SCN7A: variants seen among roughly 807,000 people sequenced by gnomAD.
SCN7A encodes the protein sodium voltage-gated channel alpha subunit 7.
In SCN7A, 138 loss-of-function variants were observed where a neutral mutation model predicts 155.2. The observed-to-expected ratio is 0.89, with a 90% CI of 0.77 to 1.02. The LOEUF is 1.02. Among genes scored for constraint, SCN7A ranks in the 50% least tolerant of loss-of-function variants. The pLI, the probability that SCN7A is intolerant of heterozygous loss-of-function variation, is 0.00. For synonymous variants in SCN7A, 693 were observed against 649.0 expected (o/e 1.07, Z -1.03); for missense variants, 2,058 against 1,986.6 (o/e 1.04, Z -0.68).
intron 9 of SCN7A, 107 bp from the exon 10 acceptor site, chr2:166,462,637 C>T (rs1488586969): frequency 2.3e-5 from 22 of 966,284 alleles, no homozygotes; most frequent in Non-Finnish European, 3.0e-5. Flanking sequence ...ACTCACGCTT[C>T]CACAGGGAGA....
chr2:166,405,972 T>C lies in SCN7A; in HGVS notation c.4657A>G (p.Lys1553Glu). Residue 1553 changes from lysine (K) to glutamate (E), a missense_variant, in exon 26 of 26, where the codon AAA becomes GAA. By Grantham distance (56) the Lys-to-Glu change is moderately conservative (BLOSUM62 1). Transcript: ENST00000643258. ...AALDPPLFMAKPNKGQLIALD... is the reference protein window; with the variant it reads ...AALDPPLFMAEPNKGQLIALD... ...GCAATGAGCTGGCCCTTGTTTGGTT[T>C]TGCCATGAAAAGAGGAGGATCAAGA... 1 of 1,612,966 alleles carries C rather than the reference T, an allele frequency of 6.2e-7. No homozygotes were observed. The highest frequency in any genetic ancestry group is 1.1e-5 in the South Asian group (1 of 91,028).
rs1171832360 is a variant in SCN7A at position 166,444,973 on chromosome 2, G to T, written c.1415C>A (p.Pro472Gln). 1 of 1,609,616 alleles carries T rather than the reference G, an allele frequency of 6.2e-7. No individual in the cohort carries two copies. The highest frequency in any genetic ancestry group is 1.7e-5 in the Admixed American group (1 of 59,790). Residue 472 changes from proline to glutamine, a missense_variant, in exon 13 of 26, where the codon CCA becomes CAA. Coordinates refer to ENST00000643258, the MANE Select transcript of SCN7A (RefSeq NM_002976.4). ...TTTAGCAAACTTATACCAGTATAAT[G>T]GGCATATCTTCTTGGATTTTTCAAG... The part of the protein sequence containing the change: ...EELEKSKKIC[P>Q]LYWYKFAKTF...
Position 166,432,671 on chromosome 2 carries a change from T to A in SCN7A, c.2239A>T (p.Asn747Tyr). The change falls in exon 16 of 26, where the codon AAT becomes TAT. Residue 747 changes from asparagine (N) to tyrosine (Y), a missense_variant. By Grantham distance (143) the Asn-to-Tyr change is moderately radical (BLOSUM62 -2). Coordinates refer to ENST00000643258, the MANE Select transcript of SCN7A (RefSeq NM_002976.4). ...VTAEENNEAKNLQLAVARIKK... is the reference protein window; with the variant it reads ...VTAEENNEAKYLQLAVARIKK... ...ATTCTTGCCACTGCAAGCTGGAGAT[T>A]TTTTGCTTCATTATTCTCTTCAGCT... 6.2e-7 allele frequency: 1 copy of A among 1,606,806 alleles called. No individual in the cohort carries two copies. Among genetic ancestry groups the A allele is most frequent in the Non-Finnish European group, 8.5e-7 (1 of 1,177,782 alleles).
chr2:166,477,668 A>AG lies in SCN7A; in HGVS notation c.28dup (p.Leu10ProfsTer6). 6.3e-7 allele frequency: 1 copy of AG among 1,589,316 alleles called. No individual in the cohort carries two copies. Among genetic ancestry groups the AG allele is most frequent in the South Asian group, 1.2e-5 (1 of 85,468 alleles). ...AAAAGACTCTTTAGTGAAGGGAACA[A>AG]GGCCCTTAGGTTCTGGTGAAGCCAA... On this transcript the variant is annotated frameshift_variant, in exon 3 of 26. Coordinates refer to ENST00000643258, the MANE Select transcript of SCN7A (RefSeq NM_002976.4). LOFTEE classifies it high-confidence loss of function.
intron 15 of SCN7A, among the ~76,000 whole-genome samples, chr2:166,439,041 A>ATGTG (rs201282077): frequency 0.012 from 1,417 of 122,710 alleles, 37 homozygotes; most frequent in African/African-American, 0.038. Flanking sequence ...ACATACATAT[A>ATGTG]TGTGTGTGTG....
At chr2:166,489,300 G>C (rs924796625) in intron 1 of SCN7A, among the ~76,000 whole-genome samples, 2 of 152,170 alleles carry the variant, frequency 1.3e-5, no homozygotes, top group African/African-American at 2.4e-5. Flanking sequence ...GTATACGTTA[G>C]CATGTGCATA....
chr2:166,405,499 C>T lies in SCN7A; in HGVS notation c.*81G>A, dbSNP rs574266581. 1.8e-4 allele frequency: 180 copies of T among 1,028,268 alleles called. No homozygotes were observed. Among genetic ancestry groups the T allele is most frequent in the South Asian group, 6.8e-4 (42 of 61,992 alleles). 63.7% of individuals were successfully genotyped at this position (1,028,268 alleles called of 1,614,324 possible). ...GGTTGTAAAGAACTGATTATTATCT[C>T]TACTTTTCTTTTATTCCTGGCTTAG... On this transcript the variant is annotated 3_prime_UTR_variant, in exon 26 of 26. Coordinates refer to ENST00000643258, the MANE Select transcript of SCN7A (RefSeq NM_002976.4).
intron 1 of SCN7A, among the ~76,000 whole-genome samples, chr2:166,490,052 A>G (rs1041825463): frequency 6.6e-6 from 1 of 152,056 alleles, no homozygotes; most frequent in East Asian, 1.9e-4. Flanking sequence ...GAATGATTAT[A>G]TCAAGCTAAT....
chr2:166,448,470 C>A (rs1211954405), intron 11 of SCN7A, among the ~76,000 whole-genome samples: 1 of 152,134 alleles, frequency 6.6e-6, no homozygotes, highest in African/African-American at 2.4e-5. Context: ...AGTACATACC[C>A]TGCAGTGGGA....
chr2:166,424,670 C>T (rs1291102720), intron 18 of SCN7A, among the ~76,000 whole-genome samples: 1 of 151,532 alleles, frequency 6.6e-6, no homozygotes, highest in Admixed American at 6.6e-5. Flanking sequence ...ACTGATGACA[C>T]CAAAAGAAGA....
At position 166,429,195 on chromosome 2, in the gene SCN7A, C is replaced by T. The variant is rs1701682194; in HGVS notation, c.2672G>A (p.Gly891Asp). The change falls in exon 17 of 26, where the codon GGT becomes GAT. Residue 891 changes from glycine (G) to aspartate (D), a missense_variant. Coordinates refer to ENST00000643258, the MANE Select transcript of SCN7A (RefSeq NM_002976.4). ...ISEEEEMFYG[G>D]ERSKHLKNGC... ...ATTTTTCAGATGCTTTGATCTTTCA[C>T]CTCCATAGAACATTTCTTCTTCTTC... is the stretch of plus-strand genomic sequence containing the variant. 2 of 1,541,494 alleles carry T rather than the reference C, an allele frequency of 1.3e-6. No individual in the cohort carries two copies. The highest frequency in any genetic ancestry group is 1.8e-6 in the Non-Finnish European group (2 of 1,142,520).
intron 11 of SCN7A, among the ~76,000 whole-genome samples, chr2:166,448,927 G>A (rs1702121720): frequency 6.6e-6 from 1 of 152,212 alleles, no homozygotes; most frequent in South Asian, 2.1e-4. Flanking sequence ...AGAATAACAA[G>A]TAATGGAATG....
chr2:166,413,421 A>T (rs1295449132), intron 21 of SCN7A, among the ~76,000 whole-genome samples: 1 of 152,162 alleles, frequency 6.6e-6, no homozygotes, highest in Admixed American at 6.6e-5. Context: ...GGTGACTTGT[A>T]GCTGCTACAC....
intron 3 of SCN7A, 63 bp from the exon 4 acceptor site, chr2:166,474,407 A>C: frequency 1.7e-6 from 1 of 575,476 alleles, no homozygotes; most frequent in Admixed American, 3.4e-5. Context: ...TCAATTATGC[A>C]ATAAACTGCC....
intron 5 of SCN7A, 24 bp downstream of exon 5, chr2:166,473,775 G>A: frequency 2.7e-6 from 2 of 736,158 alleles, no homozygotes; most frequent in Non-Finnish European, 4.0e-6. Flanking sequence ...ATGATATTAT[G>A]TATAAAATAA....
At chr2:166,445,312 C>T (rs1454114802) in intron 12 of SCN7A, among the ~76,000 whole-genome samples, 2 of 133,284 alleles carry the variant, frequency 1.5e-5, no homozygotes, top group Non-Finnish European at 3.1e-5. Flanking sequence ...TGAGACTCTG[C>T]CAAAAGAAAG....
At chr2:166,459,644 T>TA (rs1284019850) in intron 10 of SCN7A, among the ~76,000 whole-genome samples, 1 of 152,176 alleles carries the variant, frequency 6.6e-6, no homozygotes. Flanking sequence ...CAAATCTAGA[T>TA]AAAATCAAAA....
intron 17 of SCN7A, 74 bp from the exon 18 acceptor site, chr2:166,428,016 A>G: frequency 7.3e-7 from 1 of 1,371,404 alleles, no homozygotes; most frequent in Admixed American, 1.9e-5. Context: ...ACTTTCTACT[A>G]TGTGCCACAG....
rs542864104 is a variant in SCN7A, at chr2:166,457,276, T to C, written c.1084-200A>G. Among the ~76,000 whole-genome samples the C allele has an allele frequency of 3.8e-3, 579 of 152,318 alleles. 1 individual carries two copies. Among genetic ancestry groups the C allele is most frequent in the Non-Finnish European group, 5.3e-3 (359 of 68,016 alleles). On this transcript the variant is annotated intron_variant, in intron 10 of 25. Coordinates refer to ENST00000643258, the MANE Select transcript of SCN7A (RefSeq NM_002976.4). ...TTGAACTTGAGACCTGCATGTAAGGTATACAATATATGCTGTAAAACCAAG... is the reference window on the plus strand; with the variant it reads ...TTGAACTTGAGACCTGCATGTAAGGCATACAATATATGCTGTAAAACCAAG...
Sources: allele counts gnomAD v4.1 joint callset (sites outside exome capture counted in the v4.1 genomes callset), GRCh38; gene constraint gnomAD v4.1.1; transcripts MANE v1.5; gene names NCBI Gene and HGNC (gene_info 2026-07-23, HGNC 2026-07-21).